The following RGS7 variants were observed in gnomAD, a reference collection of about 807,000 sequenced individuals.
The protein encoded by RGS7 is regulator of G-protein signaling 7.
A neutral mutation model predicts 81.1 loss-of-function variants in RGS7; 27 were observed. That is an observed-to-expected ratio of 0.33 (90% CI 0.25 to 0.46). RGS7 has a LOEUF of 0.46. Ranked by LOEUF, RGS7 falls within the 20% of genes least tolerant of loss-of-function variation. The probability of loss-of-function intolerance (pLI) is 1.00; values close to 1 mark genes in which losing one functional copy is unlikely to be tolerated. For synonymous variants in RGS7, 208 were observed against 207.7 expected (o/e 1.00, Z -0.01); for missense variants, 396 against 607.4 (o/e 0.65, Z 3.66).
chr1:240,935,037 T>A (rs1008556809), intron 5 of RGS7, among the ~76,000 whole-genome samples: 1 of 151,302 alleles, frequency 6.6e-6, no homozygotes, highest in Non-Finnish European at 1.5e-5. Context: ...TACAGGCACA[T>A]GCCACAACAC....
At chr1:240,804,158 C>G (rs1688457346) in intron 15 of RGS7, among the ~76,000 whole-genome samples, 1 of 152,146 alleles carries the variant, frequency 6.6e-6, no homozygotes, top group African/African-American at 2.4e-5. Flanking sequence ...TTTCATCTCT[C>G]TGATCCTTAA....
chr1:241,253,243 TAGA>T lies in RGS7; in HGVS notation c.78+102453_78+102455del, dbSNP rs566782099. ...CATGCTATTAGTAGGAGACAAGCAG[TAGA>T]TTATGATGTCAGTCTGTTTATGTGT... On this transcript the variant is annotated intron_variant, in intron 2 of 18. Coordinates refer to ENST00000440928, the MANE Select transcript of RGS7 (RefSeq NM_001364886.1). Among the ~76,000 whole-genome samples, 30 of 152,264 alleles carry T rather than the reference TAGA, an allele frequency of 2.0e-4. No homozygotes were observed. The South Asian group carries it at 5.4e-3, about 27-fold the overall frequency.
intron 2 of RGS7, among the ~76,000 whole-genome samples, chr1:241,110,742 T>G (rs1007741105): frequency 6.6e-6 from 1 of 150,638 alleles, no homozygotes; most frequent in Non-Finnish European, 1.5e-5. Context: ...CAGGCTGGAG[T>G]ATGATGGTGC....
intron 14 of RGS7, among the ~76,000 whole-genome samples, chr1:240,808,901 T>C (rs1689353875): frequency 1.9e-5 from 1 of 53,426 alleles, no homozygotes; most frequent in South Asian, 4.8e-4. Context: ...AAATCCTATA[T>C]CCTTTATATA....
intron 2 of RGS7, among the ~76,000 whole-genome samples, chr1:241,228,478 A>G (rs2075457445): frequency 6.6e-6 from 1 of 152,354 alleles, no homozygotes; most frequent in East Asian, 1.9e-4. Flanking sequence ...AAAGACTACT[A>G]TGGGCATTGA....
chr1:240,842,115 A>C (rs1217553622), intron 9 of RGS7, among the ~76,000 whole-genome samples: 3 of 151,868 alleles, frequency 2.0e-5, no homozygotes, highest in Non-Finnish European at 4.4e-5. Context: ...TAGTATTATT[A>C]GCAGTATAAT....
intron 3 of RGS7, among the ~76,000 whole-genome samples, chr1:241,003,460 CAAAAA>C (rs554768415): frequency 1.2e-5 from 1 of 83,358 alleles, no homozygotes; most frequent in Non-Finnish European, 2.3e-5. Flanking sequence ...GACTCCGTCT[CAAAAA>C]AAAAAAAAAA....
chr1:240,972,110 T>C (rs991767738), intron 4 of RGS7, among the ~76,000 whole-genome samples: 2 of 152,286 alleles, frequency 1.3e-5, no homozygotes, highest in Non-Finnish European at 2.9e-5. Context: ...TCCAAGGAAA[T>C]ACATTACTTT....
intron 13 of RGS7, among the ~76,000 whole-genome samples, 168 bp from the exon 14 acceptor site, chr1:240,812,211 T>G (rs967935816): frequency 9.2e-5 from 14 of 152,172 alleles, no homozygotes; most frequent in African/African-American, 3.1e-4. Flanking sequence ...ATCGTGTACA[T>G]TAGTATTAAT....
At chr1:240,962,348 C>A (rs532083387) in intron 4 of RGS7, among the ~76,000 whole-genome samples, 18 of 152,278 alleles carry the variant, frequency 1.2e-4, no homozygotes, top group African/African-American at 4.3e-4. Flanking sequence ...CTGACTCCTG[C>A]TCTCTATGGT....
intron 2 of RGS7, among the ~76,000 whole-genome samples, chr1:241,201,757 G>C (rs1410243979): frequency 2.0e-5 from 3 of 151,974 alleles, no homozygotes; most frequent in Non-Finnish European, 2.9e-5. Flanking sequence ...TTACATTTTA[G>C]AGATGAGAAA....
At chr1:240,925,520 T>C (rs1674300654) in intron 6 of RGS7, among the ~76,000 whole-genome samples, 1 of 152,332 alleles carries the variant, frequency 6.6e-6, no homozygotes, top group African/African-American at 2.4e-5. Context: ...CTTTATCCAG[T>C]ACACTATTGA....
chr1:240,873,967 T>C (rs1664927418), intron 6 of RGS7, among the ~76,000 whole-genome samples: 1 of 152,198 alleles, frequency 6.6e-6, no homozygotes, highest in Middle Eastern at 3.2e-3. Context: ...TTCCTTCTCA[T>C]GCTTGAGTAA....
Position 241,081,741 on chromosome 1 carries a change from G to A in RGS7, c.175+16925C>T, listed in dbSNP as rs1457075608. ...CTTAAGGATAGGCAAACAGTATTCT[G>A]TAGGCACAGTGATATATGTTGCAGA... On this transcript the variant is annotated intron_variant, in intron 3 of 18. Coordinates refer to ENST00000440928, the MANE Select transcript of RGS7 (RefSeq NM_001364886.1). Among the ~76,000 whole-genome samples, 6 of 152,332 alleles carry A rather than the reference G, an allele frequency of 3.9e-5. No individual in the cohort carries two copies. The East Asian group carries it at 1.2e-3, about 29-fold the overall frequency.
At position 241,144,955 on chromosome 1, in the gene RGS7, G is replaced by A. The variant is rs2068200474; in HGVS notation, c.79-46193C>T. Among the ~76,000 whole-genome samples, 1 of 151,376 alleles carries A rather than the reference G, an allele frequency of 6.6e-6. No individual in the cohort carries two copies. Among genetic ancestry groups the A allele is most frequent in the Non-Finnish European group, 1.5e-5 (1 of 67,918 alleles). Reference sequence around the variant, plus strand: ...TGTGTGTGTGTGTGTGTGTGTGTGTGTGTGTGTGTTCGTGTTCATTCTTCC... The same window carrying A: ...TGTGTGTGTGTGTGTGTGTGTGTGTATGTGTGTGTTCGTGTTCATTCTTCC... On this transcript the variant is annotated intron_variant, in intron 2 of 18. Coordinates refer to ENST00000440928, the MANE Select transcript of RGS7 (RefSeq NM_001364886.1). The surrounding 1 kb of genome is among the most constrained non-coding windows in gnomAD (Gnocchi z 4.7).
At chr1:241,196,425 G>A (rs2073077383) in intron 2 of RGS7, among the ~76,000 whole-genome samples, 1 of 151,980 alleles carries the variant, frequency 6.6e-6, no homozygotes, top group Non-Finnish European at 1.5e-5. Flanking sequence ...CAGAGAGCAT[G>A]GAGAAAAACA....
At chr1:241,160,577 AAT>A (rs1354174414) in intron 2 of RGS7, among the ~76,000 whole-genome samples, 1 of 152,144 alleles carries the variant, frequency 6.6e-6, no homozygotes, top group Non-Finnish European at 1.5e-5. Context: ...CTGGCTGCAG[AAT>A]ATATGTTTGG....
At chr1:240,817,175 T>C (rs935496841) in intron 10 of RGS7, among the ~76,000 whole-genome samples, 2 of 152,234 alleles carry the variant, frequency 1.3e-5, no homozygotes, top group Non-Finnish European at 1.5e-5. Context: ...TATCTGTAAC[T>C]GACTATGAGA....
chr1:241,116,019 T>C (rs1028021794), intron 2 of RGS7, among the ~76,000 whole-genome samples: 6 of 152,138 alleles, frequency 3.9e-5, no homozygotes, highest in Admixed American at 3.9e-4. Context: ...TGCCACCACG[T>C]GTGCTTCCTC....
Sources: allele counts gnomAD v4.1 joint callset (sites outside exome capture counted in the v4.1 genomes callset), GRCh38; gene constraint gnomAD v4.1.1; non-coding constraint Gnocchi (gnomAD v3.1); transcripts MANE v1.5; gene names NCBI Gene and HGNC (gene_info 2026-07-23, HGNC 2026-07-21).